The following BICD1 variants were observed in gnomAD, a reference collection of about 807,000 sequenced individuals.
BICD1 encodes BICD cargo adaptor 1, also known as protein bicaudal D homolog 1.
Under a neutral mutation model 92.5 loss-of-function variants are expected in BICD1, and 35 were observed. That is an observed-to-expected ratio of 0.38 (90% CI 0.29 to 0.50). The LOEUF (loss-of-function observed/expected upper bound fraction) is 0.50, where lower values mean the gene tolerates loss of function less well. BICD1 is among the 20% of genes least tolerant of loss of function. The pLI is 0.93. For synonymous variants in BICD1, 429 were observed against 465.1 expected (o/e 0.92, Z 1.00); for missense variants, 950 against 1,189.8 (o/e 0.80, Z 2.97).
chr12:32,252,845 G>T (rs997983131), intron 2 of BICD1, among the ~76,000 whole-genome samples: 5 of 152,024 alleles, frequency 3.3e-5, no homozygotes, highest in Admixed American at 2.6e-4. Flanking sequence ...CTATCGTTTT[G>T]TTGTTGATTA....
chr12:32,246,029 CAA>C (rs71068311), intron 2 of BICD1, among the ~76,000 whole-genome samples: 434 of 43,990 alleles, frequency 9.9e-3, no homozygotes, highest in African/African-American at 0.037. Flanking sequence ...TACTCTGTCT[CAA>C]AAAAAAAAAA....
Position 32,337,729 on chromosome 12 carries a change from C to T in BICD1, c.2483C>T (p.Thr828Ile). Residue 828 changes from threonine (T) to isoleucine (I), a missense_variant, in exon 7 of 10, where the codon ACC (threonine) becomes ATC (isoleucine). Around this residue, in one of 5 missense-constraint regions of BICD1, gnomAD observed 179 missense variants for 186.7 expected, o/e 0.96. Transcript: ENST00000652176. The surrounding 1 kb of genome is among the most constrained non-coding windows in gnomAD (Gnocchi z 4.7). ...AAAGTAAGTGGGGAGGCATCAGTCA[C>T]CGTGCCCACCATAGACACTTACCTC... is the stretch of plus-strand genomic sequence containing the variant. Reference protein sequence around the residue: ...SPKVSGEASVTVPTIDTYLLH... With the variant: ...SPKVSGEASVIVPTIDTYLLH... 6.2e-7 allele frequency: 1 copy of T among 1,614,160 alleles called. No homozygotes were observed. Among genetic ancestry groups the T allele is most frequent in the Non-Finnish European group, 8.5e-7 (1 of 1,180,028 alleles).
chr12:32,164,887 CA>C (rs1442792992), intron 1 of BICD1, among the ~76,000 whole-genome samples: 3 of 152,126 alleles, frequency 2.0e-5, no homozygotes, highest in Non-Finnish European at 4.4e-5. Flanking sequence ...TACTCTTCAT[CA>C]AAATTATTTT....
At chr12:32,363,676 A>G (rs1224670927) in intron 8 of BICD1, among the ~76,000 whole-genome samples, 1 of 152,164 alleles carries the variant, frequency 6.6e-6, no homozygotes, top group South Asian at 2.1e-4. Context: ...AGATTTAGTT[A>G]TGTTTGATTA....
At chr12:32,204,841 A>G (rs1040135780) in intron 1 of BICD1, among the ~76,000 whole-genome samples, 1 of 152,206 alleles carries the variant, frequency 6.6e-6, no homozygotes, top group East Asian at 1.9e-4. Flanking sequence ...CATCTGTTGA[A>G]CGCAGTGTGA....
chr12:32,281,244 A>G (rs1424413573), intron 2 of BICD1, among the ~76,000 whole-genome samples: 4 of 152,110 alleles, frequency 2.6e-5, no homozygotes, highest in East Asian at 3.9e-4. Context: ...TTAAGCCACA[A>G]TTCAAACTTG....
chr12:32,367,657 C>A lies in BICD1; in HGVS notation c.2765-13C>A. The stretch of plus-strand genomic sequence containing the variant: ...CTCTTTGTACACATGTCTAATTTAT[C>A]AGTTTCTTGTAGATTGTCAGCAGCC... On this transcript the variant is annotated splice_polypyrimidine_tract_variant and intron_variant, in intron 8 of 9. Coordinates refer to ENST00000652176, the MANE Select transcript of BICD1 (RefSeq NM_001714.4). The A allele has an allele frequency of 6.2e-7, 1 of 1,612,692 alleles. No homozygotes were observed. The highest frequency in any genetic ancestry group is 1.1e-5 in the South Asian group (1 of 91,062).
At chr12:32,370,990 G>A (rs908306204) in intron 9 of BICD1, among the ~76,000 whole-genome samples, 3 of 151,302 alleles carry the variant, frequency 2.0e-5, no homozygotes, top group African/African-American at 7.3e-5. Context: ...CCATTAAGTA[G>A]GAAATGGAAA....
intron 2 of BICD1, among the ~76,000 whole-genome samples, chr12:32,272,818 T>C (rs760087219): frequency 2.1e-4 from 32 of 152,210 alleles, no homozygotes; most frequent in Non-Finnish European, 4.1e-4. Flanking sequence ...GATTGAAAAG[T>C]TTATTTTGAG....
In BICD1 at chr12:32,107,005, C is replaced by T. The variant is rs1389570949; in HGVS notation, c.-327C>T. 1 of 303,346 alleles carries T rather than the reference C, an allele frequency of 3.3e-6. No homozygotes were observed. The highest frequency in any genetic ancestry group is 4.3e-5 in the South Asian group (1 of 23,490). The allele number at this position is 303,346 out of a possible 1,614,324, so 18.8% of individuals were successfully genotyped here. Reference sequence around the variant, plus strand: ...TGAATAAGCAGAATCCGGAGCCCCTCGCTACCCGCGGCCGCCGCAGCCCGG... The same window carrying T: ...TGAATAAGCAGAATCCGGAGCCCCTTGCTACCCGCGGCCGCCGCAGCCCGG... On this transcript the variant is annotated 5_prime_UTR_variant, in exon 1 of 10. Coordinates refer to ENST00000652176, the MANE Select transcript of BICD1 (RefSeq NM_001714.4).
intron 2 of BICD1, among the ~76,000 whole-genome samples, chr12:32,258,328 C>T (rs1946770494): frequency 6.6e-6 from 1 of 152,102 alleles, no homozygotes; most frequent in Non-Finnish European, 1.5e-5. Context: ...ATGGTTTCAA[C>T]TTGTATTTTC....
chr12:32,122,229 G>A (rs1942179464), intron 1 of BICD1, among the ~76,000 whole-genome samples: 2 of 151,936 alleles, frequency 1.3e-5, no homozygotes, highest in African/African-American at 2.4e-5. Context: ...GGTGGATCAC[G>A]AGGTCAGGAA....
intron 1 of BICD1, among the ~76,000 whole-genome samples, chr12:32,136,840 A>G (rs1004903747): frequency 6.6e-6 from 1 of 152,192 alleles, no homozygotes; most frequent in African/African-American, 2.4e-5. Flanking sequence ...TTATCTCTCT[A>G]GAAGGATATT....
chr12:32,299,787 G>A (rs919183257), intron 3 of BICD1, among the ~76,000 whole-genome samples: 1 of 152,172 alleles, frequency 6.6e-6, no homozygotes, highest in Admixed American at 6.5e-5. Context: ...ACTCCTGCCT[G>A]GGTGACATAG....
intron 9 of BICD1, among the ~76,000 whole-genome samples, chr12:32,371,694 T>C (rs189337489): frequency 4.2e-4 from 64 of 152,284 alleles, no homozygotes; most frequent in African/African-American, 1.5e-3. Flanking sequence ...TTCAAGCAAT[T>C]CTTCTGCCTC....
intron 3 of BICD1, 30 bp downstream of exon 3, chr12:32,294,176 G>A: frequency 6.4e-7 from 1 of 1,569,114 alleles, no homozygotes; most frequent in Admixed American, 2.1e-5. Context: ...TTGTTATACT[G>A]AAGATGGATC....
At chr12:32,141,765 C>T (rs1022524456) in intron 1 of BICD1, among the ~76,000 whole-genome samples, 1 of 152,162 alleles carries the variant, frequency 6.6e-6, no homozygotes, top group African/African-American at 2.4e-5. Flanking sequence ...TGAGCCACCG[C>T]GCCTGGCCTG....
At chr12:32,234,293 C>T (rs762821611) in intron 2 of BICD1, among the ~76,000 whole-genome samples, 5 of 152,262 alleles carry the variant, frequency 3.3e-5, no homozygotes, top group Admixed American at 2.0e-4. Flanking sequence ...TTCACTAAGA[C>T]AGCTTTTTAA....
At chr12:32,188,600 G>GT (rs1944482891) in intron 1 of BICD1, among the ~76,000 whole-genome samples, 1 of 152,244 alleles carries the variant, frequency 6.6e-6, no homozygotes. Context: ...GAGAGACAGA[G>GT]TATGTGCACA....
Sources: gnomAD v4.1 joint callset for allele counts (sites outside exome capture counted in the v4.1 genomes callset) on GRCh38, gnomAD v4.1.1 for gene constraint, gnomAD v4.1.1 regional missense constraint, Gnocchi (gnomAD v3.1) non-coding constraint, MANE v1.5 for transcripts, NCBI Gene and HGNC (gene_info 2026-07-23, HGNC 2026-07-21) for gene names.